The following CTNND2 variants were observed in gnomAD, a reference collection of about 807,000 sequenced individuals.
The protein encoded by CTNND2 is catenin delta 2.
A neutral mutation model predicts 144.4 loss-of-function variants in CTNND2; 22 were observed. The ratio of observed to expected loss-of-function variants is 0.15; its 90% CI spans 0.11 to 0.22. The LOEUF (loss-of-function observed/expected upper bound fraction) is 0.22, where lower values mean the gene tolerates loss of function less well. Among genes scored for constraint, CTNND2 ranks in the 10% least tolerant of loss-of-function variants. CTNND2 has a pLI of 1.00. For synonymous variants in CTNND2, 751 were observed against 695.6 expected, an observed-to-expected ratio of 1.08 and a Z score of -1.25; for missense variants, 1,353 against 1,618.8, an observed-to-expected ratio of 0.84 and a Z score of 2.82.
At chr5:11,614,804 C>A (rs1202014314) in intron 2 of CTNND2, among the ~76,000 whole-genome samples, 1 of 152,160 alleles carries the variant, frequency 6.6e-6, no homozygotes, top group Non-Finnish European at 1.5e-5. Context: ...GGGAGCCAGA[C>A]CTGCTGTAGC....
intron 3 of CTNND2, among the ~76,000 whole-genome samples, chr5:11,426,494 A>G (rs193108528): frequency 9.2e-5 from 14 of 152,350 alleles, no homozygotes; most frequent in African/African-American, 3.4e-4. Context: ...TGACAGGTCA[A>G]TGGAGCATGT....
chr5:11,617,646 T>A (rs763893117), intron 2 of CTNND2, among the ~76,000 whole-genome samples: 1 of 152,166 alleles, frequency 6.6e-6, no homozygotes, highest in Admixed American at 6.6e-5. Context: ...CATATTGGTA[T>A]ATAGAGGAAT....
At chr5:11,448,516 G>A (rs1765033599) in intron 3 of CTNND2, among the ~76,000 whole-genome samples, 1 of 152,094 alleles carries the variant, frequency 6.6e-6, no homozygotes, top group Non-Finnish European at 1.5e-5. Flanking sequence ...GTGTGTGTGT[G>A]TGTTTGCTGT....
chr5:11,110,729 T>C (rs906691409), intron 14 of CTNND2, 129 bp downstream of exon 14: 9 of 822,372 alleles, frequency 1.1e-5, no homozygotes, highest in Admixed American at 5.1e-5. Flanking sequence ...CACAGGAAAA[T>C]TGTGCAGATG....
intron 1 of CTNND2, among the ~76,000 whole-genome samples, chr5:11,803,931 T>G (rs1353010347): frequency 6.6e-6 from 1 of 152,124 alleles, no homozygotes; most frequent in Admixed American, 6.5e-5. Context: ...CAACCTCCAT[T>G]TTTTTAAACT....
At chr5:11,019,349 A>G (rs573118839) in intron 17 of CTNND2, among the ~76,000 whole-genome samples, 1 of 152,236 alleles carries the variant, frequency 6.6e-6, no homozygotes, top group Non-Finnish European at 1.5e-5. Flanking sequence ...TTAGCTAAAT[A>G]TTTGTTCATG....
At chr5:11,546,544 A>T (rs574708921) in intron 3 of CTNND2, among the ~76,000 whole-genome samples, 1 of 152,222 alleles carries the variant, frequency 6.6e-6, no homozygotes. Flanking sequence ...TTGGTATCAG[A>T]TCAACATAAA....
At chr5:11,142,775 G>A (rs1469956528) in intron 12 of CTNND2, among the ~76,000 whole-genome samples, 7 of 151,700 alleles carry the variant, frequency 4.6e-5, no homozygotes, top group Non-Finnish European at 1.5e-5. Flanking sequence ...CACCATGCCC[G>A]GCTAATTTTT....
chr5:11,457,838 C>A (rs62337504), intron 3 of CTNND2, among the ~76,000 whole-genome samples: 10,835 of 152,234 alleles, frequency 0.071, 405 homozygotes, highest in South Asian at 0.1. Context: ...CTGTTGACTG[C>A]AGTCCATGGG....
At chr5:11,660,756 C>A (rs1783157999) in intron 2 of CTNND2, among the ~76,000 whole-genome samples, 1 of 152,082 alleles carries the variant, frequency 6.6e-6, no homozygotes, top group Non-Finnish European at 1.5e-5. Context: ...TGCATGTGGG[C>A]ATGTGTTGCA....
chr5:11,123,862 G>A (rs1368659733), intron 12 of CTNND2, among the ~76,000 whole-genome samples: 1 of 152,198 alleles, frequency 6.6e-6, no homozygotes, highest in Non-Finnish European at 1.5e-5. Context: ...CGTGTGCTAT[G>A]TGATGTATAG....
At chr5:11,789,755 TG>T (rs1791034037) in intron 1 of CTNND2, among the ~76,000 whole-genome samples, 1 of 152,192 alleles carries the variant, frequency 6.6e-6, no homozygotes. Context: ...AATACAATGT[TG>T]AATATTGGAA....
intron 21 of CTNND2, among the ~76,000 whole-genome samples, chr5:10,976,739 T>C (rs961546820): frequency 2.0e-5 from 3 of 152,242 alleles, no homozygotes; most frequent in African/African-American, 4.8e-5. Context: ...AAAGACTTCT[T>C]TGGGTTTATT....
chr5:11,879,712 G>A (rs1310219774), intron 1 of CTNND2, among the ~76,000 whole-genome samples: 3 of 152,106 alleles, frequency 2.0e-5, no homozygotes, highest in Non-Finnish European at 2.9e-5. Context: ...TTCGCAAAGA[G>A]TAGCTCTCAA....
intron 1 of CTNND2, among the ~76,000 whole-genome samples, chr5:11,825,670 A>T (rs1016610926): frequency 1.3e-5 from 2 of 152,076 alleles, no homozygotes; most frequent in Non-Finnish European, 2.9e-5. Context: ...ATTATTAATA[A>T]TATTATTATT....
intron 9 of CTNND2, among the ~76,000 whole-genome samples, chr5:11,332,101 C>A (rs1002715564): frequency 6.6e-6 from 1 of 151,882 alleles, no homozygotes; most frequent in Non-Finnish European, 1.5e-5. Context: ...CATGGAGAAA[C>A]CCCGTCCCTA....
intron 2 of CTNND2, among the ~76,000 whole-genome samples, chr5:11,567,733 T>C (rs1426577399): frequency 6.6e-6 from 1 of 152,220 alleles, no homozygotes; most frequent in Admixed American, 6.5e-5. Flanking sequence ...TTTTTGCACA[T>C]GTTGATTATA....
At chr5:11,642,264 G>A (rs1056492993) in intron 2 of CTNND2, among the ~76,000 whole-genome samples, 2 of 152,052 alleles carry the variant, frequency 1.3e-5, no homozygotes, top group African/African-American at 4.8e-5. Flanking sequence ...CTGTCCTTGT[G>A]GAGCTTCAAT....
chr5:11,602,357 T>C (rs1310132612), intron 2 of CTNND2, among the ~76,000 whole-genome samples: 1 of 151,910 alleles, frequency 6.6e-6, no homozygotes, highest in East Asian at 1.9e-4. Flanking sequence ...AGAACACAAA[T>C]GAATATTTCT....
Sources: allele counts gnomAD v4.1 joint callset (sites outside exome capture counted in the v4.1 genomes callset), GRCh38; gene constraint gnomAD v4.1.1; transcripts MANE v1.5; gene names NCBI Gene and HGNC (gene_info 2026-07-23, HGNC 2026-07-21).